The following PTPRT variants were observed in gnomAD, a reference collection of about 807,000 sequenced individuals.
PTPRT encodes protein tyrosine phosphatase receptor type T.
PTPRT carries 56 observed loss-of-function variants against 176.8 expected under a neutral mutation model. That is an observed-to-expected ratio of 0.32 (90% CI 0.26 to 0.40). The LOEUF (loss-of-function observed/expected upper bound fraction) is 0.40, where lower values mean the gene tolerates loss of function less well. Among genes scored for constraint, PTPRT ranks in the 10% least tolerant of loss-of-function variants. The pLI, the probability that PTPRT is intolerant of heterozygous loss-of-function variation, is 1.00. For missense variants in PTPRT, 1,540 were observed against 1,908.2 expected, an observed-to-expected ratio of 0.81 and a Z score of 3.60; for synonymous variants, 783 against 739.0, an observed-to-expected ratio of 1.06 and a Z score of -0.96.
intron 9 of PTPRT, among the ~76,000 whole-genome samples, chr20:42,434,652 A>G (rs2059245752): frequency 9.3e-6 from 1 of 107,218 alleles, no homozygotes; most frequent in Non-Finnish European, 1.9e-5. Flanking sequence ...AGCCCATCCC[A>G]TCTTCATAAG....
intron 22 of PTPRT, among the ~76,000 whole-genome samples, chr20:42,114,787 C>G (rs1335299037): frequency 6.6e-6 from 1 of 152,134 alleles, no homozygotes; most frequent in Non-Finnish European, 1.5e-5. Context: ...CACTTTTTCC[C>G]CTCCAGACTG....
At chr20:42,918,967 C>T (rs1978970795) in intron 1 of PTPRT, among the ~76,000 whole-genome samples, 1 of 152,200 alleles carries the variant, frequency 6.6e-6, no homozygotes, top group Admixed American at 6.5e-5. Context: ...ACCTATGCAA[C>T]TCACTAAACA....
chr20:42,328,283 G>A (rs1462024978), intron 11 of PTPRT, among the ~76,000 whole-genome samples: 1 of 152,116 alleles, frequency 6.6e-6, no homozygotes, highest in Admixed American at 6.5e-5. Context: ...ATTCCATAAA[G>A]AGAAAATTAG....
intron 6 of PTPRT, among the ~76,000 whole-genome samples, chr20:42,722,562 C>G (rs554706269): frequency 2.0e-5 from 3 of 152,164 alleles, no homozygotes; most frequent in Non-Finnish European, 4.4e-5. Flanking sequence ...GCTGACTCCC[C>G]GTCTCTGTCC....
intron 1 of PTPRT, among the ~76,000 whole-genome samples, chr20:42,996,165 G>C (rs1052932721): frequency 1.3e-5 from 2 of 152,088 alleles, no homozygotes; most frequent in Non-Finnish European, 2.9e-5. Context: ...GTGCTTCCAG[G>C]CATATTAGGC....
chr20:42,096,009 T>C (rs952697669), intron 27 of PTPRT, among the ~76,000 whole-genome samples: 1 of 152,162 alleles, frequency 6.6e-6, no homozygotes, highest in African/African-American at 2.4e-5. Context: ...TTGCCCAGAC[T>C]CAACTTCCTG....
intron 9 of PTPRT, among the ~76,000 whole-genome samples, chr20:42,391,286 T>C (rs2058797037): frequency 6.6e-6 from 1 of 152,182 alleles, no homozygotes; most frequent in African/African-American, 2.4e-5. Context: ...ACTTTTGTGC[T>C]TCAGCAGCAA....
intron 1 of PTPRT, among the ~76,000 whole-genome samples, chr20:42,900,439 C>G (rs2145913486): frequency 6.6e-6 from 1 of 152,296 alleles, no homozygotes; most frequent in East Asian, 1.9e-4. Context: ...TGCCCAAGTC[C>G]TGTCATCTCT....
chr20:42,208,454 C>A lies in PTPRT; in HGVS notation c.2343-9066G>T, dbSNP rs1017674344. 1.8e-4 allele frequency among the ~76,000 whole-genome samples: 27 copies of A among 151,716 alleles called. 1 individual carries two copies. The highest frequency in any genetic ancestry group is 6.1e-4 in the African/African-American group (25 of 41,230). The stretch of plus-strand genomic sequence containing the variant: ...AATAAAAGGATGGAGGAAGATCTAC[C>A]AAGCAAATGGAAAACAAAAAAAAGG... On this transcript the variant is annotated intron_variant, in intron 15 of 30. Transcript: ENST00000373187.
At chr20:42,534,696 A>G (rs1382860085) in intron 7 of PTPRT, among the ~76,000 whole-genome samples, 1 of 152,156 alleles carries the variant, frequency 6.6e-6, no homozygotes, top group Non-Finnish European at 1.5e-5. Context: ...AACACTGGCC[A>G]TATCTTAATC....
chr20:42,827,124 C>T (rs2078007479), intron 2 of PTPRT, among the ~76,000 whole-genome samples: 1 of 152,092 alleles, frequency 6.6e-6, no homozygotes, highest in Non-Finnish European at 1.5e-5. Flanking sequence ...AGACTCCCCA[C>T]TGAGAGTATC....
chr20:42,955,793 C>T (rs1981589462), intron 1 of PTPRT, among the ~76,000 whole-genome samples: 1 of 131,772 alleles, frequency 7.6e-6, no homozygotes, highest in Non-Finnish European at 1.6e-5. Flanking sequence ...AAAGCCAAGG[C>T]AGAAAAAGTG....
intron 7 of PTPRT, among the ~76,000 whole-genome samples, chr20:42,554,505 A>G (rs777214452): frequency 1.3e-5 from 2 of 152,156 alleles, no homozygotes; most frequent in African/African-American, 2.4e-5. Context: ...ACAGGTCCCA[A>G]TTGCCTACAA....
chr20:42,522,436 CTT>C (rs986999932), intron 7 of PTPRT, among the ~76,000 whole-genome samples: 7 of 151,740 alleles, frequency 4.6e-5, no homozygotes, highest in African/African-American at 1.7e-4. Context: ...ATTTGGCAAA[CTT>C]TGATTTTCTG....
At chr20:42,861,781 T>C (rs144211090) in intron 2 of PTPRT, among the ~76,000 whole-genome samples, 11 of 151,990 alleles carry the variant, frequency 7.2e-5, no homozygotes, top group Middle Eastern at 3.4e-3. Flanking sequence ...TTGAGTTGAG[T>C]TGACATGCAA....
At chr20:42,805,325 TGAA>T (rs1422336942) in intron 2 of PTPRT, among the ~76,000 whole-genome samples, 1 of 152,182 alleles carries the variant, frequency 6.6e-6, no homozygotes, top group Non-Finnish European at 1.5e-5. Context: ...AAATTTTTCC[TGAA>T]GAAGAGGCTT....
intron 2 of PTPRT, among the ~76,000 whole-genome samples, chr20:42,813,951 C>A (rs115408910): frequency 1.1e-3 from 165 of 152,184 alleles, no homozygotes; most frequent in African/African-American, 3.9e-3. Context: ...TCCTCCATAA[C>A]CCCCTTCCTT....
At chr20:42,066,256 G>A in the PTPRT span, among the ~76,000 whole-genome samples, 1 of 151,776 alleles carries the variant, frequency 6.6e-6, no homozygotes, top group Admixed American at 6.6e-5. Context: ...TGACCAGGCT[G>A]GTCTCGAACT....
intron 1 of PTPRT, among the ~76,000 whole-genome samples, chr20:43,037,826 T>C (rs1028641262): frequency 2.6e-5 from 4 of 152,156 alleles, no homozygotes; most frequent in African/African-American, 9.7e-5. Flanking sequence ...CTATACTATT[T>C]CCAGAACTCC....
Sources: allele counts gnomAD v4.1 joint callset (sites outside exome capture counted in the v4.1 genomes callset), GRCh38; gene constraint gnomAD v4.1.1; transcripts MANE v1.5; gene names NCBI Gene and HGNC (gene_info 2026-07-23, HGNC 2026-07-21).